The following IRF2 variants were observed in gnomAD, a reference collection of about 807,000 sequenced individuals.
IRF2 encodes interferon regulatory factor 2.
IRF2 carries 15 observed loss-of-function variants against 40.6 expected under a neutral mutation model. The ratio of observed to expected loss-of-function variants is 0.37; its 90% confidence interval spans 0.25 to 0.57. The LOEUF is 0.57. Among genes scored for constraint, IRF2 ranks in the 20% least tolerant of loss-of-function variants. IRF2 has a pLI of 0.77. For missense variants in IRF2, 317 were observed against 455.7 expected (o/e 0.70, Z 2.77); for synonymous variants, 151 against 165.5 (o/e 0.91, Z 0.67).
Position 184,390,731 on chromosome 4 carries a change from C to G in IRF2, c.713G>C (p.Ser238Thr). Reference protein sequence around the residue: ...SSYAESETTDSVPSDEESAEG... With the variant: ...SSYAESETTDTVPSDEESAEG... ...GGCACTCTCTTCATCGCTGGGCACA[C>G]TATCAGTCGTTTCGCTTTCTGTTCA... The change falls in exon 8 of 9, where the codon AGT becomes ACT. Residue 238 changes from serine (S) to threonine (T), a missense_variant. Physicochemically the swap from Ser to Thr is moderately conservative, Grantham distance 58 (BLOSUM62 1). Around this residue, in one of 2 missense-constraint regions of IRF2, gnomAD observed 262 missense variants for 334.0 expected, o/e 0.78. Transcript: ENST00000393593. 6.2e-7 allele frequency: 1 copy of G among 1,614,216 alleles called. No individual in the cohort carries two copies.
chr4:184,417,030 GA>G (rs1164818625), intron 5 of IRF2, among the ~76,000 whole-genome samples: 1 of 152,036 alleles, frequency 6.6e-6, no homozygotes, highest in African/African-American at 2.4e-5. Flanking sequence ...TGTGCCAATA[GA>G]GCAAAACTCC....
intron 7 of IRF2, among the ~76,000 whole-genome samples, chr4:184,396,426 AT>A (rs59546735): frequency 0.16 from 21,802 of 139,610 alleles, 1,705 homozygotes; most frequent in East Asian, 0.26. Flanking sequence ...ATATATATAT[AT>A]TTTTTTTTCT....
intron 1 of IRF2, among the ~76,000 whole-genome samples, chr4:184,442,356 G>A (rs1292377730): frequency 2.0e-5 from 3 of 152,148 alleles, no homozygotes; most frequent in Non-Finnish European, 4.4e-5. Flanking sequence ...GAGAACCAGA[G>A]GGGCTTTTTC....
intron 2 of IRF2, among the ~76,000 whole-genome samples, chr4:184,422,946 GTCACCTTTACCTAGTTTT>G (rs374218596): frequency 7.2e-5 from 11 of 152,248 alleles, no homozygotes; most frequent in African/African-American, 2.6e-4. Flanking sequence ...TAAACTACAT[GTCACCTTTACCTAGTTTT>G]TCATACTTCA....
intron 1 of IRF2, among the ~76,000 whole-genome samples, chr4:184,435,742 T>C (rs793810): frequency 0.91 from 138,200 of 152,130 alleles, 62,889 homozygotes; most frequent in East Asian, 1. Flanking sequence ...AACATCAGGA[T>C]GCAGCTAGGA....
chr4:184,394,086 A>T (rs1736358096), intron 7 of IRF2, among the ~76,000 whole-genome samples: 1 of 152,260 alleles, frequency 6.6e-6, no homozygotes, highest in South Asian at 2.1e-4. Flanking sequence ...TGGAATAAAG[A>T]AGTCTGGAGT....
intron 1 of IRF2, among the ~76,000 whole-genome samples, chr4:184,463,677 G>A (rs2149918258): frequency 6.6e-6 from 1 of 151,956 alleles, no homozygotes; most frequent in South Asian, 2.1e-4. Context: ...TTGATGGGCT[G>A]TGGTACGGCA....
chr4:184,407,638 T>C (rs551543052), intron 6 of IRF2, among the ~76,000 whole-genome samples: 2 of 152,314 alleles, frequency 1.3e-5, no homozygotes, highest in East Asian at 1.9e-4. Flanking sequence ...TGTCCCTCCA[T>C]GAGAAAAGAA....
intron 6 of IRF2, among the ~76,000 whole-genome samples, chr4:184,401,813 T>C (rs1282494447): frequency 6.6e-6 from 1 of 152,196 alleles, no homozygotes; most frequent in Non-Finnish European, 1.5e-5. Flanking sequence ...TAAATGTGAC[T>C]TAAGTCAAAG....
chr4:184,413,940 C>A lies in IRF2; in HGVS notation c.411+4227G>T, dbSNP rs997046243. Among the ~76,000 whole-genome samples the A allele has an allele frequency of 6.6e-6, 1 of 152,208 alleles. No individual in the cohort carries two copies. Among genetic ancestry groups the A allele is most frequent in the Admixed American group, 6.5e-5 (1 of 15,284 alleles). ...CTCCAGGCCTTCATTCCTGATGCCC[C>A]TAGTGCTGCGGAAGGACCAGTTTGA... On this transcript the variant is annotated intron_variant, in intron 5 of 8. Transcript: ENST00000393593. The surrounding 1 kb of genome is among the most constrained non-coding windows in gnomAD (Gnocchi z 4.2).
Position 184,408,296 on chromosome 4 carries a change from A to G in IRF2, c.412-21T>C, listed in dbSNP as rs1327233112. The stretch of plus-strand genomic sequence containing the variant: ...TCTTGCTAGGAAGAAGAAAAGAAAA[A>G]AGAATTGAGAACACTTCCTTTCCCC... On this transcript the variant is annotated intron_variant, in intron 5 of 8. Transcript: ENST00000393593. The surrounding 1 kb of genome is among the most constrained non-coding windows in gnomAD (Gnocchi z 4.9). 10 of 1,418,538 alleles carry G rather than the reference A, an allele frequency of 7.0e-6. No homozygotes were observed. The highest frequency in any genetic ancestry group is 9.0e-6 in the Non-Finnish European group (9 of 1,003,978). The allele number at this position is 1,418,538 out of a possible 1,614,324, so 87.9% of individuals were successfully genotyped here. A position where few individuals can be genotyped will look rare whatever the true frequency, so the allele number is the denominator to read the frequency against.
At chr4:184,426,723 C>G (rs1737688331) in intron 2 of IRF2, among the ~76,000 whole-genome samples, 1 of 152,184 alleles carries the variant, frequency 6.6e-6, no homozygotes, top group Non-Finnish European at 1.5e-5. Context: ...GTGTGAGACA[C>G]TGTCTCTTCT....
chr4:184,444,734 G>A (rs956233822), intron 1 of IRF2, among the ~76,000 whole-genome samples: 1 of 152,158 alleles, frequency 6.6e-6, no homozygotes, highest in Non-Finnish European at 1.5e-5. Context: ...GGAAGAGGTG[G>A]GATGTTACAT....
At chr4:184,441,755 C>A (rs1037480204) in intron 1 of IRF2, among the ~76,000 whole-genome samples, 1 of 152,120 alleles carries the variant, frequency 6.6e-6, no homozygotes, top group African/African-American at 2.4e-5. Context: ...GTTCTAAGCA[C>A]GTTAAGAGGA....
chr4:184,460,720 C>T (rs762185798), intron 1 of IRF2, among the ~76,000 whole-genome samples: 4 of 151,738 alleles, frequency 2.6e-5, no homozygotes, highest in African/African-American at 7.3e-5. Flanking sequence ...CACACACACG[C>T]GAAGAGAGAA....
chr4:184,417,863 C>G (rs1485435671), intron 5 of IRF2, among the ~76,000 whole-genome samples: 1 of 152,208 alleles, frequency 6.6e-6, no homozygotes, highest in East Asian at 1.9e-4. Context: ...TGGAGTTTAG[C>G]TGGCACAAAA....
intron 1 of IRF2, among the ~76,000 whole-genome samples, chr4:184,460,633 GCATGCACGCACACACACACACA>G (rs1561128329): frequency 6.8e-6 from 1 of 146,038 alleles, no homozygotes; most frequent in Non-Finnish European, 1.5e-5. Flanking sequence ...ACACACACAC[GCATGCACGCACACACACACACA>G]CATGCACGCG....
chr4:184,446,165 T>G (rs1055787070), intron 1 of IRF2, among the ~76,000 whole-genome samples: 3 of 152,242 alleles, frequency 2.0e-5, no homozygotes, highest in African/African-American at 7.2e-5. Flanking sequence ...CATACCTTAA[T>G]TGCCAACTTT....
chr4:184,394,524 C>T (rs889126906), intron 7 of IRF2, among the ~76,000 whole-genome samples: 3 of 152,326 alleles, frequency 2.0e-5, no homozygotes, highest in Admixed American at 1.3e-4. Context: ...TCGGAATCCT[C>T]TTAATCTCAA....
Sources: allele counts gnomAD v4.1 joint callset (sites outside exome capture counted in the v4.1 genomes callset), GRCh38; gene constraint gnomAD v4.1.1; regional missense constraint gnomAD v4.1.1; non-coding constraint Gnocchi (gnomAD v3.1); transcripts MANE v1.5; gene names NCBI Gene and HGNC (gene_info 2026-07-23, HGNC 2026-07-21).